The following SHOX variants were observed in gnomAD, a reference collection of about 807,000 sequenced individuals.
SHOX encodes short stature homeobox protein.
In SHOX, 12 loss-of-function variants were observed where a neutral mutation model predicts 29.6. The observed-to-expected ratio is 0.41, with a 90% CI of 0.26 to 0.66. The LOEUF (loss-of-function observed/expected upper bound fraction) is 0.66. Ranked by LOEUF, SHOX falls within the 30% of genes least tolerant of loss-of-function variation. The pLI, the probability that SHOX is intolerant of heterozygous loss-of-function variation, is 0.35. For synonymous variants in SHOX, 214 were observed against 200.6 expected (o/e 1.07, Z -0.57); for missense variants, 499 against 437.7 (o/e 1.14, Z -1.25).
chrX:626,324 CTG>C (rs2052532245), upstream of SHOX, among the ~76,000 whole-genome samples: 1 of 139,278 alleles, frequency 7.2e-6, no homozygotes, highest in Admixed American at 7.1e-5. Flanking sequence ...CTCTTTTTCT[CTG>C]TCTCTGTCTG....
At chrX:652,214 T>C (rs1301172272), downstream of SHOX, among the ~76,000 whole-genome samples, 1 of 152,106 alleles carries the variant, frequency 6.6e-6, no homozygotes, top group Non-Finnish European at 1.5e-5. Flanking sequence ...AACTTTTATT[T>C]TGTTCCAGTT....
At chrX:638,591 C>G (rs747938720) in intron 2 of SHOX, among the ~76,000 whole-genome samples, 23 of 152,294 alleles carry the variant, frequency 1.5e-4, no homozygotes, top group African/African-American at 5.5e-4. Flanking sequence ...AGGCGCACTG[C>G]AGCCCGGTAG....
chrX:627,128 C>T (rs189530470), upstream of SHOX, among the ~76,000 whole-genome samples: 46 of 152,284 alleles, frequency 3.0e-4, no homozygotes, highest in African/African-American at 9.9e-4. Context: ...CAAGCACCCC[C>T]TTGTACACAG....
intron 2 of SHOX, 26 bp downstream of exon 2, chrX:634,852 G>A (rs768583005): frequency 1.7e-5 from 26 of 1,547,006 alleles, no homozygotes; most frequent in Middle Eastern, 4.2e-4. Flanking sequence ...CGGGGGCGGG[G>A]GGCCCGGAGC....
downstream of SHOX, among the ~76,000 whole-genome samples, chrX:655,048 A>C (rs1181689502): frequency 1.3e-5 from 2 of 151,774 alleles, no homozygotes; most frequent in African/African-American, 4.8e-5. Flanking sequence ...GCACCACTGC[A>C]CTCCAGCCTG....
chrX:635,549 G>C (rs1303820109), intron 2 of SHOX, among the ~76,000 whole-genome samples: 2 of 152,156 alleles, frequency 1.3e-5, no homozygotes, highest in South Asian at 2.1e-4. Context: ...GAGCACGTTG[G>C]GCATCTGGAT....
downstream of SHOX, among the ~76,000 whole-genome samples, chrX:652,034 TGCCTCA>T (rs1217930614): frequency 1.3e-5 from 2 of 152,054 alleles, no homozygotes; most frequent in East Asian, 3.9e-4. Flanking sequence ...GCGACTCTCC[TGCCTCA>T]GCCTCCCGAG....
chrX:635,047 A>G (rs920466291), intron 2 of SHOX, among the ~76,000 whole-genome samples: 1 of 152,116 alleles, frequency 6.6e-6, no homozygotes, highest in Non-Finnish European at 1.5e-5. Context: ...GCAAACAAAT[A>G]TATATACATA....
At chrX:637,359 C>CTGTT (rs1569494194) in intron 2 of SHOX, among the ~76,000 whole-genome samples, 2 of 151,966 alleles carry the variant, frequency 1.3e-5, no homozygotes, top group Non-Finnish European at 2.9e-5. Context: ...CCTTGATGTA[C>CTGTT]TGTTTCTATA....
intron 1 of SHOX, among the ~76,000 whole-genome samples, chrX:624,880 TTCTTTCTTTCTTTCTTTCTTTCTC>T (rs762735900): frequency 0.011 from 895 of 80,354 alleles, 14 homozygotes; most frequent in Middle Eastern, 0.014. Flanking sequence ...CTTTCTTTCT[TTCTTTCTTTCTTTCTTTCTTTCTC>T]TCTTCCTTTC....
In SHOX at chrX:649,898, C is replaced by G. The variant is rs2053028185; in HGVS notation, c.*5262C>G. 1 of 455,940 alleles carries G rather than the reference C, an allele frequency of 2.2e-6. No individual in the cohort carries two copies. The highest frequency in any genetic ancestry group is 6.9e-5 in the East Asian group (1 of 14,404). The allele number at this position is 455,940 out of a possible 1,614,324, so 28.2% of individuals were successfully genotyped here. ...CTGTTCTGGTGAAATCTGTTTCTGACATATCCACTTTTCTCTCTCTTTTCT... is the reference window on the plus strand; with the variant it reads ...CTGTTCTGGTGAAATCTGTTTCTGAGATATCCACTTTTCTCTCTCTTTTCT... On this transcript the variant is annotated 3_prime_UTR_variant, in exon 5 of 5. Coordinates refer to ENST00000686671, the MANE Select transcript of SHOX (RefSeq NM_000451.4).
At chrX:643,611 C>CT (rs2052905911) in intron 4 of SHOX, among the ~76,000 whole-genome samples, 1 of 134,732 alleles carries the variant, frequency 7.4e-6, no homozygotes, top group Non-Finnish European at 1.6e-5. Flanking sequence ...GACCTGGTGT[C>CT]CTGGGAGAGC....
downstream of SHOX, among the ~76,000 whole-genome samples, chrX:654,933 C>T (rs1244239692): frequency 6.6e-6 from 1 of 151,868 alleles, no homozygotes. Context: ...GGTGATCCAC[C>T]CGCCTCAGCC....
At chrX:629,507 ATC>A (rs1359220780), upstream of SHOX, among the ~76,000 whole-genome samples, 2 of 73,364 alleles carry the variant, frequency 2.7e-5, no homozygotes, top group African/African-American at 5.5e-5. Context: ...CTCTCTCTCC[ATC>A]TCTCTCTCTC....
At chrX:651,925 TA>T (rs1243096945), downstream of SHOX, among the ~76,000 whole-genome samples, 16 of 151,106 alleles carry the variant, frequency 1.1e-4, no homozygotes, top group African/African-American at 2.9e-4. Flanking sequence ...TTAATTAATT[TA>T]TTTTTTTTTT....
Position 644,539 on chromosome X carries a change from C to G in SHOX, c.782C>G (p.Ala261Gly), listed in dbSNP as rs1395116910. The change falls in exon 5 of 5, where the codon GCC becomes GGC. Residue 261 changes from alanine to glycine, a missense_variant. Ala to Gly is a moderately conservative substitution (Grantham distance 60). Transcript: ENST00000686671. Reference protein sequence around the residue: ...ASLAESASAAAVVAAAAKSNS... With the variant: ...ASLAESASAAGVVAAAAKSNS... ...CTGGCCGAGTCCGCCTCGGCCGCCGCCGTGGTCGCCGCCGCCGCCAAAAGC... is the reference window on the plus strand; with the variant it reads ...CTGGCCGAGTCCGCCTCGGCCGCCGGCGTGGTCGCCGCCGCCGCCAAAAGC... 19 of 1,517,900 alleles carry G rather than the reference C, an allele frequency of 1.3e-5. No individual in the cohort carries two copies. Among genetic ancestry groups the G allele is most frequent in the Non-Finnish European group, 1.7e-5 (19 of 1,139,634 alleles). The allele number at this position is 1,517,900 out of a possible 1,614,324, so 94.0% of individuals were successfully genotyped here. A position where few individuals can be genotyped will look rare whatever the true frequency, so the allele number is the denominator to read the frequency against.
chrX:650,133 T>C lies in SHOX; in HGVS notation c.*5497T>C. 1 of 421,754 alleles carries C rather than the reference T, an allele frequency of 2.4e-6. No homozygotes were observed. Among genetic ancestry groups the C allele is most frequent in the South Asian group, 1.8e-5 (1 of 56,592 alleles). The allele number at this position is 421,754 out of a possible 1,614,324, so 26.1% of individuals were successfully genotyped here. A position where few individuals can be genotyped will look rare whatever the true frequency, so the allele number is the denominator to read the frequency against. On this transcript the variant is annotated 3_prime_UTR_variant, in exon 5 of 5. Transcript: ENST00000686671. ...CAGTGGTGACAGGGCCCCTTGGCTGTGGCTGTCTTCTCCAGCGCCGTGGAT... is the reference window on the plus strand; with the variant it reads ...CAGTGGTGACAGGGCCCCTTGGCTGCGGCTGTCTTCTCCAGCGCCGTGGAT...
At chrX:627,881 G>GT (rs1377320298), upstream of SHOX, among the ~76,000 whole-genome samples, 2 of 152,172 alleles carry the variant, frequency 1.3e-5, no homozygotes, top group African/African-American at 2.4e-5. Context: ...AGGGTTTTCG[G>GT]TAGGGAGACA....
In SHOX at chrX:651,409, AC is replaced by A. The variant is rs775792298; in HGVS notation, c.*6774del. On this transcript the variant is annotated 3_prime_UTR_variant, in exon 5 of 5. Coordinates refer to ENST00000686671, the MANE Select transcript of SHOX (RefSeq NM_000451.4). ...GGGTAGAAAAAAAACAAACAAACAAACAGAAAAAAAAACCAAAAAAAACCAC... is the reference window on the plus strand; with the variant it reads ...GGGTAGAAAAAAAACAAACAAACAAAAGAAAAAAAAACCAAAAAAAACCAC... 104 of 424,944 alleles carry A rather than the reference AC, an allele frequency of 2.4e-4. No homozygotes were observed. Among genetic ancestry groups the A allele is most frequent in the Admixed American group, 1.9e-3 (76 of 39,594 alleles). The allele number at this position is 424,944 out of a possible 1,614,324, so 26.3% of individuals were successfully genotyped here.
Sources: gnomAD v4.1 joint callset for allele counts (sites outside exome capture counted in the v4.1 genomes callset) on GRCh38, gnomAD v4.1.1 for gene constraint, MANE v1.5 for transcripts, NCBI Gene and HGNC (gene_info 2026-07-23, HGNC 2026-07-21) for gene names.